NEGR1: variants seen among roughly 807,000 people sequenced by gnomAD.
NEGR1 encodes IgLON family member 4.
Under a neutral mutation model 40.9 loss-of-function variants are expected in NEGR1, and 10 were observed. That is an observed-to-expected ratio of 0.24 (90% CI 0.15 to 0.42). The LOEUF is 0.42. NEGR1 is among the 10% of genes least tolerant of loss of function. NEGR1 has a pLI of 1.00. For missense variants in NEGR1, 352 were observed against 438.9 expected (o/e 0.80, Z 1.77); for synonymous variants, 185 against 166.8 (o/e 1.11, Z -0.84).
At chr1:72,243,110 T>C (rs1654800100) in intron 1 of NEGR1, among the ~76,000 whole-genome samples, 1 of 151,736 alleles carries the variant, frequency 6.6e-6, no homozygotes, top group African/African-American at 2.4e-5. Context: ...TTAATTATGG[T>C]CTTCATAATA....
chr1:71,909,924 T>C (rs935425306), intron 2 of NEGR1, among the ~76,000 whole-genome samples: 1 of 152,210 alleles, frequency 6.6e-6, no homozygotes, highest in African/African-American at 2.4e-5. Flanking sequence ...ACTCTATAAA[T>C]AGTATAGAGA....
At chr1:72,091,521 C>T (rs1648497102) in intron 1 of NEGR1, among the ~76,000 whole-genome samples, 1 of 151,216 alleles carries the variant, frequency 6.6e-6, no homozygotes. Flanking sequence ...AAGTACATCA[C>T]AGCCCCATAG....
At chr1:71,562,133 G>T (rs950579606) in intron 6 of NEGR1, among the ~76,000 whole-genome samples, 2 of 151,656 alleles carry the variant, frequency 1.3e-5, no homozygotes, top group Non-Finnish European at 2.9e-5. Context: ...CAATGTAGGT[G>T]CCAAGGGTTT....
At chr1:72,192,062 G>C (rs71653512) in intron 1 of NEGR1, among the ~76,000 whole-genome samples, 301 of 151,862 alleles carry the variant, frequency 2.0e-3, no homozygotes, top group Non-Finnish European at 3.2e-3. Flanking sequence ...AATAGTTTTG[G>C]AACATTATAA....
At chr1:72,034,733 G>T (rs1000530568) in intron 1 of NEGR1, among the ~76,000 whole-genome samples, 1 of 152,090 alleles carries the variant, frequency 6.6e-6, no homozygotes, top group Non-Finnish European at 1.5e-5. Flanking sequence ...GATAGTTTAC[G>T]AATGATTTTC....
At chr1:71,947,906 T>C (rs1414902140) in intron 1 of NEGR1, among the ~76,000 whole-genome samples, 1 of 152,218 alleles carries the variant, frequency 6.6e-6, no homozygotes, top group Admixed American at 6.6e-5. Context: ...TATATTTTTC[T>C]AATGGTAAGC....
At chr1:71,517,655 G>C (rs1235252257) in intron 6 of NEGR1, among the ~76,000 whole-genome samples, 7 of 140,770 alleles carry the variant, frequency 5.0e-5, no homozygotes, top group African/African-American at 2.0e-4. Flanking sequence ...CATTCCCTTT[G>C]AAAACTGGCA....
chr1:71,638,538 A>G (rs556448585), intron 4 of NEGR1, among the ~76,000 whole-genome samples: 1 of 152,236 alleles, frequency 6.6e-6, no homozygotes, highest in African/African-American at 2.4e-5. Context: ...CTGCACAGTG[A>G]TAGGGACATC....
In NEGR1 at chr1:71,749,988, C is replaced by CTTTTTTTTTTT. The variant is rs768011020; in HGVS notation, c.535+26173_535+26183dup. ...TCCTGATGAAATGGTTTGCTCCTTT[C>CTTTTTTTTTTT]TTTTTTTTTTTTTTTTGAGACGGAG... On this transcript the variant is annotated intron_variant, in intron 3 of 6. Transcript: ENST00000357731. Among the ~76,000 whole-genome samples, 20 of 136,626 alleles carry CTTTTTTTTTTT rather than the reference C, an allele frequency of 1.5e-4. 2 individuals carry two copies. The highest frequency in any genetic ancestry group is 4.7e-4 in the African/African-American group (17 of 36,242). The allele number at this position is 136,626 out of a possible 152,430, so 89.6% of individuals were successfully genotyped here.
At chr1:71,521,494 C>A (rs2101430544) in intron 6 of NEGR1, among the ~76,000 whole-genome samples, 1 of 152,040 alleles carries the variant, frequency 6.6e-6, no homozygotes, top group Admixed American at 6.6e-5. Context: ...AGACTTCAAA[C>A]CTTTTGAATA....
At chr1:71,834,887 T>TCACACACACACACA (rs10524992) in intron 2 of NEGR1, among the ~76,000 whole-genome samples, 1,995 of 146,340 alleles carry the variant, frequency 0.014, 18 homozygotes, top group Non-Finnish European at 0.018. Context: ...TTTTAGGAGA[T>TCACACACACACACA]CACACACACA....
chr1:71,556,652 C>CAT, intron 6 of NEGR1, among the ~76,000 whole-genome samples: 1 of 145,880 alleles, frequency 6.9e-6, no homozygotes, highest in East Asian at 2.0e-4. Context: ...CACACACACA[C>CAT]ATACACACAC....
chr1:72,123,465 C>G (rs1468490211), intron 1 of NEGR1, among the ~76,000 whole-genome samples: 1 of 151,630 alleles, frequency 6.6e-6, no homozygotes, highest in African/African-American at 2.4e-5. Flanking sequence ...GAAATTGCAA[C>G]TACAGGTGGT....
chr1:71,527,191 A>G (rs72938067), intron 6 of NEGR1, among the ~76,000 whole-genome samples: 6,308 of 151,624 alleles, frequency 0.042, 434 homozygotes, highest in African/African-American at 0.14. Flanking sequence ...AAAATAAATA[A>G]TGGTCCAATC....
intron 1 of NEGR1, among the ~76,000 whole-genome samples, chr1:72,101,636 A>G (rs892459911): frequency 2.6e-5 from 4 of 151,676 alleles, no homozygotes; most frequent in Non-Finnish European, 4.4e-5. Context: ...TTTTTTTTAA[A>G]TGGCCAAAAG....
At chr1:71,439,976 G>A (rs1646536305) in intron 6 of NEGR1, 1 of 151,702 alleles carries the variant, frequency 6.6e-6, no homozygotes, top group African/African-American at 2.4e-5. Flanking sequence ...ATTTCTTAAG[G>A]AACATAGTAC....
At chr1:71,779,045 C>A (rs1352476718) in intron 2 of NEGR1, among the ~76,000 whole-genome samples, 1 of 152,002 alleles carries the variant, frequency 6.6e-6, no homozygotes, top group Non-Finnish European at 1.5e-5. Context: ...TCAGGACATG[C>A]TACAGGGAAT....
chr1:72,104,819 T>C (rs1649074456), intron 1 of NEGR1, among the ~76,000 whole-genome samples: 1 of 152,124 alleles, frequency 6.6e-6, no homozygotes, highest in African/African-American at 2.4e-5. Context: ...TTTCTAATTA[T>C]AAAAACAATT....
chr1:72,221,655 G>A (rs1211976431), intron 1 of NEGR1, among the ~76,000 whole-genome samples: 1 of 152,056 alleles, frequency 6.6e-6, no homozygotes, highest in Non-Finnish European at 1.5e-5. Context: ...ACCCCAGAAA[G>A]TAGCCTTAAA....
Sources: allele counts gnomAD v4.1 joint callset (sites outside exome capture counted in the v4.1 genomes callset), GRCh38; gene constraint gnomAD v4.1.1; transcripts MANE v1.5; gene names NCBI Gene and HGNC (gene_info 2026-07-23, HGNC 2026-07-21).